The following CLEC4F variants were observed in gnomAD, a reference collection of about 807,000 sequenced individuals.
CLEC4F encodes the protein C-type lectin domain family 4 member F.
Under a neutral mutation model 53.4 loss-of-function variants are expected in CLEC4F, and 45 were observed. The ratio of observed to expected loss-of-function variants is 0.84; its 90% CI spans 0.66 to 1.08. CLEC4F has a LOEUF of 1.08. Ranked by LOEUF, CLEC4F falls within the 50% of genes least tolerant of loss-of-function variation. The pLI is 0.00. For synonymous variants in CLEC4F, 245 were observed against 257.5 expected (o/e 0.95, Z 0.46); for missense variants, 753 against 698.2 (o/e 1.08, Z -0.88).
intron 6 of CLEC4F, 60 bp downstream of exon 6, chr2:70,809,679 G>A (rs1295154951): frequency 4.0e-6 from 5 of 1,251,832 alleles, no homozygotes; most frequent in African/African-American, 1.5e-5. Context: ...GACACACAGT[G>A]TGTAGCTAGG....
intron 2 of CLEC4F, 104 bp downstream of exon 2, chr2:70,819,671 T>A: frequency 1.1e-6 from 1 of 900,918 alleles, no homozygotes; most frequent in Non-Finnish European, 1.8e-6. Context: ...TGGAATGATC[T>A]TTCTGGGAGC....
At chr2:70,814,760 A>G (rs1355326177) in intron 4 of CLEC4F, among the ~76,000 whole-genome samples, 1 of 151,846 alleles carries the variant, frequency 6.6e-6, no homozygotes, top group African/African-American at 2.4e-5. Context: ...AAAAAAATTA[A>G]GCTAATAGTT....
intron 4 of CLEC4F, 127 bp downstream of exon 4, chr2:70,815,867 G>A (rs1676867885): frequency 9.7e-7 from 1 of 1,035,126 alleles, no homozygotes; most frequent in African/African-American, 1.6e-5. Flanking sequence ...CAGTTTCCTT[G>A]GGCCCATTTC....
Position 70,816,909 on chromosome 2 carries a change from C to G in CLEC4F, c.472G>C (p.Asp158His). ...DIQMVKGVLK[D>H]ATTLSLQTQM... ...GTCTGCAAACTCAATGTAGTGGCATCCTTTAGAACTCCTTTTACCATCTGG... is the reference window on the plus strand; with the variant it reads ...GTCTGCAAACTCAATGTAGTGGCATGCTTTAGAACTCCTTTTACCATCTGG... The change falls in exon 4 of 7, where the codon GAT becomes CAT. Residue 158 changes from aspartate to histidine, a missense_variant. Asp to His is a moderately conservative substitution (Grantham distance 81, BLOSUM62 -1). Transcript: ENST00000272367. 1 of 1,614,158 alleles carries G rather than the reference C, an allele frequency of 6.2e-7. No homozygotes were observed.
chr2:70,821,023 G>A (rs1677200401), upstream of CLEC4F, among the ~76,000 whole-genome samples: 1 of 152,148 alleles, frequency 6.6e-6, no homozygotes, highest in Non-Finnish European at 1.5e-5. Flanking sequence ...CAGCCACTTG[G>A]GGACTCACAA....
intron 4 of CLEC4F, among the ~76,000 whole-genome samples, chr2:70,815,148 C>G (rs1051393102): frequency 1.3e-5 from 2 of 152,126 alleles, no homozygotes; most frequent in African/African-American, 2.4e-5. Context: ...TCTCAGCTGC[C>G]CTCTTGTCCA....
intron 3 of CLEC4F, 118 bp from the exon 4 acceptor site, chr2:70,817,230 G>A (rs1574379677): frequency 1.3e-5 from 14 of 1,106,424 alleles, no homozygotes; most frequent in Non-Finnish European, 1.8e-5. Context: ...ACAGCCCTCA[G>A]TGCTCCCCCA....
rs1676882405 is a variant in CLEC4F at position 70,816,078 on chromosome 2, T to C, written c.1303A>G (p.Thr435Ala). The change falls in exon 4 of 7, where the codon ACC becomes GCC. Residue 435 changes from threonine (T) to alanine (A), a missense_variant. Physicochemically the swap from Thr to Ala is moderately conservative, Grantham distance 58. Transcript: ENST00000272367. ...RGDLENTKAL[T>A]MEIQQEQSRL... ...CTCTGCTCCTGCTGGATTTCCATGG[T>C]TAGAGCTTTGGTGTTCTCTAGATCC... 6.2e-7 allele frequency: 1 copy of C among 1,614,218 alleles called. No homozygotes were observed. The highest frequency in any genetic ancestry group is 8.5e-7 in the Non-Finnish European group (1 of 1,180,028).
upstream of CLEC4F, chr2:70,820,691 C>G (rs1193233554): frequency 1.6e-6 from 1 of 611,368 alleles, no homozygotes; most frequent in Non-Finnish European, 2.8e-6. Flanking sequence ...AAACCCGCCC[C>G]AGTGGGCCCC....
chr2:70,809,723 T>G lies in CLEC4F; in HGVS notation c.1658+16A>C, dbSNP rs781797471. The G allele has an allele frequency of 2.5e-6, 4 of 1,596,710 alleles. No individual in the cohort carries two copies. In the South Asian group the frequency reaches 4.4e-5, roughly 18 times the overall value. On this transcript the variant is annotated intron_variant, in intron 6 of 6. Coordinates refer to ENST00000272367, the MANE Select transcript of CLEC4F (RefSeq NM_173535.3). Reference sequence around the variant, plus strand: ...AGACAGTGCCTGGGACAGCGCCAGATGGTGGCTAGACTCACGCTTTGTTCT... The same window carrying G: ...AGACAGTGCCTGGGACAGCGCCAGAGGGTGGCTAGACTCACGCTTTGTTCT...
intron 4 of CLEC4F, 143 bp from the exon 5 acceptor site, chr2:70,812,741 C>A (rs1253839938): frequency 7.2e-6 from 6 of 835,136 alleles, no homozygotes; most frequent in Non-Finnish European, 1.1e-5. Context: ...AGGAGAAAGG[C>A]CTGGGGGGCT....
chr2:70,809,313 GC>G lies in CLEC4F; in HGVS notation c.1727del (p.Ser576ThrfsTer3). 1.2e-6 allele frequency: 2 copies of G among 1,613,982 alleles called. No individual in the cohort carries two copies. Among genetic ancestry groups the G allele is most frequent in the Non-Finnish European group, 1.7e-6 (2 of 1,179,970 alleles). ...IIVNSGMGAC[S>X]FIDTPPCPWI... ...AGGGACAGGGAGGGGTGTCTATGAA[GC>G]TGCAAGCTCCCATCCCAGAATTCAC... On this transcript the variant is annotated frameshift_variant, in exon 7 of 7. Coordinates refer to ENST00000272367, the MANE Select transcript of CLEC4F (RefSeq NM_173535.3). LOFTEE classifies it low-confidence loss of function (END_TRUNC).
chr2:70,816,523 C>G lies in CLEC4F; in HGVS notation c.858G>C (p.Gln286His), dbSNP rs782380557. The change falls in exon 4 of 7, where the codon CAG (glutamine) becomes CAC (histidine). Residue 286 changes from glutamine to histidine, a missense_variant. Transcript: ENST00000272367. ...TGTTCTGCAAATTTTCCTTTAGTCC[C>G]TGGATCTCAGCATTGGCTCCTTCCA... is the stretch of plus-strand genomic sequence containing the variant. ...NSLEGANAEI[Q>H]GLKENLQNTN... 6.2e-6 allele frequency: 10 copies of G among 1,614,042 alleles called. No individual in the cohort carries two copies. The highest frequency in any genetic ancestry group is 8.5e-6 in the Non-Finnish European group (10 of 1,180,044).
upstream of CLEC4F, among the ~76,000 whole-genome samples, chr2:70,824,222 T>G (rs188468273): frequency 3.3e-4 from 50 of 152,156 alleles, no homozygotes; most frequent in Admixed American, 5.9e-4. Context: ...CAAAGTGTCC[T>G]GATTTTACAC....
intron 4 of CLEC4F, among the ~76,000 whole-genome samples, chr2:70,815,605 CA>C (rs1217111801): frequency 1.3e-5 from 2 of 152,172 alleles, no homozygotes; most frequent in Admixed American, 6.5e-5. Context: ...CACTGTGATG[CA>C]AATATTATTG....
chr2:70,812,693 G>A, intron 4 of CLEC4F, 95 bp from the exon 5 acceptor site: 4 of 1,279,456 alleles, frequency 3.1e-6, no homozygotes, highest in Admixed American at 2.1e-5. Flanking sequence ...GCCCACTGAG[G>A]TTCACAAGCC....
At chr2:70,811,121 A>G in intron 5 of CLEC4F, 1 of 685,470 alleles carries the variant, frequency 1.5e-6, no homozygotes, top group South Asian at 1.3e-5. Flanking sequence ...ATAGCACGAC[A>G]CTCTTTTGGA....
intron 5 of CLEC4F, among the ~76,000 whole-genome samples, chr2:70,810,098 T>G (rs1359367259): frequency 6.6e-6 from 1 of 152,018 alleles, no homozygotes; most frequent in Non-Finnish European, 1.5e-5. Context: ...CATTTCTACT[T>G]CTTTAGTAAA....
chr2:70,817,084 TTC>T lies in CLEC4F; in HGVS notation c.295_296del (p.Glu99AsnfsTer9), dbSNP rs782308592. On this transcript the variant is annotated frameshift_variant, in exon 4 of 7. Coordinates refer to ENST00000272367, the MANE Select transcript of CLEC4F (RefSeq NM_173535.3). LOFTEE classifies it high-confidence loss of function. ...NNHHHFGREA[E>X]MRELIQTFKG... ...TAAATGTCTGGATAAGCTCTCGCAT[TTC>T]TGCCTCCCTGCCAAAGTGGTGATGA... is the stretch of plus-strand genomic sequence containing the variant. 6 of 1,610,542 alleles carry T rather than the reference TTC, an allele frequency of 3.7e-6. No individual in the cohort carries two copies. In the African/African-American group the frequency reaches 8.0e-5, roughly 21 times the overall value.
Sources: allele counts gnomAD v4.1 joint callset (sites outside exome capture counted in the v4.1 genomes callset), GRCh38; gene constraint gnomAD v4.1.1; transcripts MANE v1.5; gene names NCBI Gene and HGNC (gene_info 2026-07-23, HGNC 2026-07-21).